The following FBN1 variants were observed in gnomAD, a reference collection of about 807,000 sequenced individuals.
FBN1 encodes the protein fibrillin-1.
FBN1 carries 29 observed loss-of-function variants against 365.1 expected under a neutral mutation model. That is an observed-to-expected ratio of 0.08 (90% CI 0.06 to 0.11). FBN1 has a LOEUF of 0.11. Among genes scored for constraint, FBN1 ranks in the 10% least tolerant of loss-of-function variants. The pLI is 1.00. For missense variants in FBN1, 2,476 were observed against 3,703.2 expected (o/e 0.67, Z 8.60); for synonymous variants, 1,210 against 1,270.5 (o/e 0.95, Z 1.01).
At position 48,577,834 on chromosome 15, in the gene FBN1, C is replaced by T. The variant is rs572486562; in HGVS notation, c.538+18449G>A. On this transcript the variant is annotated intron_variant, in intron 6 of 65. Coordinates refer to ENST00000316623, the MANE Select transcript of FBN1 (RefSeq NM_000138.5). ...TAGGGCATGATCGTCCTTTTTGCAA[C>T]GCCTTCCTACAAGGTCTCAGGTGCC... is the stretch of plus-strand genomic sequence containing the variant. 3.3e-5 allele frequency among the ~76,000 whole-genome samples: 5 copies of T among 152,202 alleles called. No homozygotes were observed. The South Asian group carries it at 6.2e-4, about 19-fold the overall frequency.
At chr15:48,529,183 G>A (rs1005783780) in intron 8 of FBN1, 1 of 152,274 alleles carries the variant, frequency 6.6e-6, no homozygotes, top group African/African-American at 2.4e-5. Context: ...TGGCTGGGAA[G>A]AGCTATTTCC....
intron 2 of FBN1, among the ~76,000 whole-genome samples, chr15:48,618,599 T>C (rs1597636626): frequency 1.3e-5 from 2 of 152,298 alleles, no homozygotes; most frequent in South Asian, 4.1e-4. Context: ...ATGACCTCCC[T>C]AAGCTTCAGC....
intron 15 of FBN1, 25 bp downstream of exon 15, chr15:48,508,557 T>C (rs1597577022): frequency 1.2e-6 from 2 of 1,613,546 alleles, no homozygotes; most frequent in East Asian, 2.2e-5. Context: ...GTGAAGAACA[T>C]GATCTAGGGT....
At chr15:48,511,405 C>A (rs1041366733) in intron 13 of FBN1, among the ~76,000 whole-genome samples, 1 of 151,956 alleles carries the variant, frequency 6.6e-6, no homozygotes, top group Non-Finnish European at 1.5e-5. Context: ...ATGGTAAAAA[C>A]CACATATTCT....
chr15:48,446,689 C>T lies in FBN1; in HGVS notation c.5788+17G>A, dbSNP rs2043161837. ...AAAACTGACTTCCTTTGCTGATGCACAATTTTGCACACGCACCTATACAGT... is the reference window on the plus strand; with the variant it reads ...AAAACTGACTTCCTTTGCTGATGCATAATTTTGCACACGCACCTATACAGT... On this transcript the variant is annotated intron_variant, in intron 47 of 65. Transcript: ENST00000316623. The T allele has an allele frequency of 6.7e-7, 1 of 1,501,110 alleles. No individual in the cohort carries two copies. The highest frequency in any genetic ancestry group is 9.3e-7 in the Non-Finnish European group (1 of 1,076,902). The allele number at this position is 1,501,110 out of a possible 1,614,324, so 93.0% of individuals were successfully genotyped here. A position where few individuals can be genotyped will look rare whatever the true frequency, so the allele number is the denominator to read the frequency against.
intron 19 of FBN1, among the ~76,000 whole-genome samples, 199 bp downstream of exon 19, chr15:48,497,067 C>A (rs919583454): frequency 6.6e-6 from 1 of 152,168 alleles, no homozygotes; most frequent in Non-Finnish European, 1.5e-5. Context: ...GAATCTGATA[C>A]ATCGTTATTC....
intron 8 of FBN1, among the ~76,000 whole-genome samples, chr15:48,531,860 G>A (rs1720221153): frequency 6.6e-6 from 1 of 151,930 alleles, no homozygotes; most frequent in Admixed American, 6.6e-5. Context: ...TATCAATTTT[G>A]CATTGATACT....
intron 2 of FBN1, among the ~76,000 whole-genome samples, chr15:48,633,846 T>C (rs774277404): frequency 3.9e-5 from 6 of 152,148 alleles, no homozygotes; most frequent in Non-Finnish European, 7.3e-5. Flanking sequence ...ACAACGCGCC[T>C]CTTAGGTCAG....
chr15:48,456,896 G>T, intron 43 of FBN1, 134 bp from the exon 44 acceptor site: 1 of 822,886 alleles, frequency 1.2e-6, no homozygotes, highest in Non-Finnish European at 2.0e-6. Flanking sequence ...GGGTGGTGGT[G>T]ATGGCAATAG....
intron 32 of FBN1, among the ~76,000 whole-genome samples, chr15:48,478,466 C>T (rs997610747): frequency 2.0e-5 from 3 of 152,190 alleles, no homozygotes; most frequent in Non-Finnish European, 2.9e-5. Flanking sequence ...TTTAATTCCA[C>T]TTAATGGTAT....
intron 6 of FBN1, among the ~76,000 whole-genome samples, chr15:48,565,613 T>C (rs1321059565): frequency 6.9e-6 from 1 of 145,842 alleles, no homozygotes; most frequent in Non-Finnish European, 1.5e-5. Flanking sequence ...ATTTAAATGA[T>C]GTTCAATGTG....
intron 6 of FBN1, among the ~76,000 whole-genome samples, chr15:48,575,844 C>CACACACA (rs2044342947): frequency 6.9e-6 from 1 of 145,696 alleles, no homozygotes; most frequent in Non-Finnish European, 1.5e-5. Flanking sequence ...CACACACACA[C>CACACACA]CATGGAATAC....
chr15:48,566,815 A>T (rs1250819813), intron 6 of FBN1, among the ~76,000 whole-genome samples: 4 of 152,236 alleles, frequency 2.6e-5, no homozygotes, highest in African/African-American at 9.6e-5. Flanking sequence ...CTGACAGCTG[A>T]GTAACAATCC....
intron 6 of FBN1, among the ~76,000 whole-genome samples, chr15:48,577,501 A>G (rs1285090548): frequency 6.6e-6 from 1 of 152,134 alleles, no homozygotes; most frequent in Non-Finnish European, 1.5e-5. Context: ...TCAAACATCT[A>G]CCACCACTCT....
intron 18 of FBN1, 86 bp from the exon 19 acceptor site, chr15:48,497,477 T>C: frequency 7.5e-7 from 1 of 1,330,040 alleles, no homozygotes; most frequent in Non-Finnish European, 1.1e-6. Context: ...ACAATAAATG[T>C]AATGACCTTA....
At chr15:48,492,068 C>A (rs183333145) in intron 24 of FBN1, among the ~76,000 whole-genome samples, 1 of 152,160 alleles carries the variant, frequency 6.6e-6, no homozygotes, top group East Asian at 1.9e-4. Flanking sequence ...CTGATCTCCA[C>A]AGGTGTTTTT....
intron 2 of FBN1, among the ~76,000 whole-genome samples, chr15:48,634,508 CT>C (rs2140770275): frequency 6.6e-6 from 1 of 152,222 alleles, no homozygotes; most frequent in African/African-American, 2.4e-5. Context: ...GCTGGCAAGA[CT>C]TTCACTCCAG....
intron 6 of FBN1, among the ~76,000 whole-genome samples, chr15:48,542,706 G>T (rs1422415227): frequency 6.6e-6 from 1 of 151,480 alleles, no homozygotes; most frequent in Non-Finnish European, 1.5e-5. Context: ...CGATTCAGTA[G>T]ATGTGGCATG....
intron 5 of FBN1, among the ~76,000 whole-genome samples, chr15:48,597,952 G>C (rs150317430): frequency 9.8e-5 from 15 of 152,332 alleles, no homozygotes; most frequent in Non-Finnish European, 2.1e-4. Flanking sequence ...GCACCAAGGG[G>C]AGCAGAAGAG....
Sources: allele counts gnomAD v4.1 joint callset (sites outside exome capture counted in the v4.1 genomes callset), GRCh38; gene constraint gnomAD v4.1.1; transcripts MANE v1.5; gene names NCBI Gene and HGNC (gene_info 2026-07-23, HGNC 2026-07-21).